Variants in FYB1 observed in about 807,000 individuals in gnomAD.
FYB1 encodes the protein FYN binding protein 1.
In FYB1, 41 loss-of-function variants were observed where a neutral mutation model predicts 94.1. That is an observed-to-expected ratio of 0.44 (90% confidence interval 0.34 to 0.57). FYB1 has a LOEUF of 0.57. Ranked by LOEUF, FYB1 falls within the 20% of genes least tolerant of loss-of-function variation. The pLI is 0.02. For synonymous variants in FYB1, 367 were observed against 353.2 expected, an observed-to-expected ratio of 1.04 and a Z score of -0.44; for missense variants, 1,050 against 976.8, an observed-to-expected ratio of 1.07 and a Z score of -1.00.
chr5:39,146,349 C>T (rs115704171), intron 3 of FYB1, among the ~76,000 whole-genome samples: 13 of 152,232 alleles, frequency 8.5e-5, no homozygotes, highest in African/African-American at 2.9e-4. Flanking sequence ...TGTATTCCTT[C>T]GTAATTATGG....
intron 3 of FYB1, among the ~76,000 whole-genome samples, chr5:39,146,692 C>T (rs949283404): frequency 3.9e-5 from 6 of 152,170 alleles, no homozygotes; most frequent in African/African-American, 9.7e-5. Flanking sequence ...CATTCATACA[C>T]GTGTGTCTGC....
At chr5:39,269,400 C>T (rs570123574) in intron 1 of FYB1, among the ~76,000 whole-genome samples, 7 of 152,316 alleles carry the variant, frequency 4.6e-5, no homozygotes, top group African/African-American at 1.2e-4. Context: ...AACTTGGAAA[C>T]GTAGAGGGAT....
At chr5:39,187,273 G>A (rs1187913600) in intron 2 of FYB1, among the ~76,000 whole-genome samples, 2 of 152,180 alleles carry the variant, frequency 1.3e-5, no homozygotes, top group Admixed American at 1.3e-4. Context: ...ACAGGAGTCT[G>A]TCTACAGCAT....
chr5:39,144,448 C>T (rs1211746573), intron 3 of FYB1, among the ~76,000 whole-genome samples: 38 of 151,984 alleles, frequency 2.5e-4, no homozygotes, highest in Non-Finnish European at 2.6e-4. Flanking sequence ...AACTTGATAT[C>T]CTCAACAAAT....
chr5:39,190,491 A>G (rs2150457405), intron 2 of FYB1, among the ~76,000 whole-genome samples: 1 of 152,126 alleles, frequency 6.6e-6, no homozygotes, highest in East Asian at 1.9e-4. Flanking sequence ...CTAGTGGGAG[A>G]ACTGGACACT....
chr5:39,147,891 A>G (rs952658187), intron 3 of FYB1, among the ~76,000 whole-genome samples: 1 of 150,624 alleles, frequency 6.6e-6, no homozygotes, highest in Non-Finnish European at 1.5e-5. Context: ...CGTGTTAGTC[A>G]GGATGGTCTC....
At chr5:39,130,332 G>T (rs1741079796) in intron 10 of FYB1, among the ~76,000 whole-genome samples, 1 of 152,002 alleles carries the variant, frequency 6.6e-6, no homozygotes, top group African/African-American at 2.4e-5. Flanking sequence ...GAAGGAATAA[G>T]TTCTAATGCT....
intron 3 of FYB1, among the ~76,000 whole-genome samples, chr5:39,148,375 C>T (rs139578476): frequency 0.1 from 7,878 of 77,678 alleles, 802 homozygotes; most frequent in African/African-American, 0.29. Context: ...TTTTAATTAT[C>T]AGCAGGTTTT....
intron 9 of FYB1, among the ~76,000 whole-genome samples, chr5:39,132,397 GTCT>G (rs1232671029): frequency 4.6e-5 from 7 of 152,150 alleles, no homozygotes; most frequent in South Asian, 4.1e-4. Flanking sequence ...GTATAGAAAT[GTCT>G]TCTTCTTTAA....
chr5:39,144,034 C>A (rs1742421475), intron 3 of FYB1, among the ~76,000 whole-genome samples: 2 of 152,062 alleles, frequency 1.3e-5, no homozygotes, highest in Admixed American at 6.5e-5. Flanking sequence ...ATAGTAAAAA[C>A]AATTTGTGGA....
chr5:39,238,026 G>A (rs1016931386), intron 1 of FYB1, among the ~76,000 whole-genome samples: 2 of 151,956 alleles, frequency 1.3e-5, no homozygotes, highest in Admixed American at 1.3e-4. Flanking sequence ...CTAATACATC[G>A]GTGGATGTAA....
chr5:39,148,764 A>C (rs1295379555), intron 3 of FYB1, among the ~76,000 whole-genome samples: 2 of 152,128 alleles, frequency 1.3e-5, no homozygotes, highest in Non-Finnish European at 2.9e-5. Context: ...CTAACTATGA[A>C]TGACTTCAGG....
intron 1 of FYB1, among the ~76,000 whole-genome samples, chr5:39,246,126 C>T (rs1019783214): frequency 6.6e-6 from 1 of 151,926 alleles, no homozygotes; most frequent in African/African-American, 2.4e-5. Context: ...AAGTAGGTAC[C>T]TCTGTTTGGG....
At chr5:39,221,530 T>C (rs1303149584), upstream of FYB1, among the ~76,000 whole-genome samples, 1 of 152,190 alleles carries the variant, frequency 6.6e-6, no homozygotes, top group African/African-American at 2.4e-5. Flanking sequence ...AATAAAGGCA[T>C]CTGGAAATAC....
intron 2 of FYB1, among the ~76,000 whole-genome samples, chr5:39,165,954 ATTATTAAAAAAT>A (rs1744688847): frequency 6.6e-6 from 1 of 152,266 alleles, no homozygotes; most frequent in South Asian, 2.1e-4. Context: ...CAGGATGGCT[ATTATTAAAAAAT>A]AAAATAATAA....
intron 1 of FYB1, among the ~76,000 whole-genome samples, chr5:39,269,093 A>G (rs979411740): frequency 4.6e-5 from 7 of 151,798 alleles, no homozygotes; most frequent in Non-Finnish European, 8.8e-5. Flanking sequence ...TCTGTGGCCC[A>G]GGCTAGAGCG....
intron 1 of FYB1, among the ~76,000 whole-genome samples, chr5:39,242,439 T>C (rs1323793719): frequency 6.6e-6 from 1 of 152,154 alleles, no homozygotes; most frequent in Non-Finnish European, 1.5e-5. Flanking sequence ...GGTTTCCAGC[T>C]TCATCCATGT....
At position 39,265,139 on chromosome 5, in the gene FYB1, C is replaced by G. The variant is rs775136466; in HGVS notation, c.-28+9264G>C. On this transcript the variant is annotated intron_variant, in intron 1 of 1. Transcript: ENST00000510188. The stretch of plus-strand genomic sequence containing the variant: ...TCGCCTGAGGTCAGGAGTTCAAGAC[C>G]AGCCTGGCCAACATGGAGAAACCCC... 2.0e-5 allele frequency among the ~76,000 whole-genome samples: 3 copies of G among 151,920 alleles called. No individual in the cohort carries two copies. In the East Asian group the frequency reaches 5.8e-4, roughly 29 times the overall value.
intron 2 of FYB1, chr5:39,170,234 T>C: frequency 1.1e-6 from 1 of 939,874 alleles, no homozygotes. Context: ...ATGATGTTGC[T>C]GGTGGTGGTG....
Sources: gnomAD v4.1 joint callset for allele counts (sites outside exome capture counted in the v4.1 genomes callset) on GRCh38, gnomAD v4.1.1 for gene constraint, MANE v1.5 for transcripts, NCBI Gene and HGNC (gene_info 2026-07-23, HGNC 2026-07-21) for gene names.